TTLL5: variants seen among roughly 807,000 people sequenced by gnomAD.
TTLL5 encodes the protein tubulin tyrosine ligase like 5, also known as tubulin polyglutamylase TTLL5.
A neutral mutation model predicts 168.4 loss-of-function variants in TTLL5; 132 were observed. The ratio of observed to expected loss-of-function variants is 0.78; its 90% CI spans 0.68 to 0.91. TTLL5 has a LOEUF of 0.91. TTLL5 is among the 40% of genes least tolerant of loss of function. The pLI, the probability that TTLL5 is intolerant of heterozygous loss-of-function variation, is 0.00. For missense variants in TTLL5, 1,545 were observed against 1,581.5 expected (o/e 0.98, Z 0.39); for synonymous variants, 546 against 558.6 (o/e 0.98, Z 0.32).
At position 75,745,141 on chromosome 14, in the gene TTLL5, T is replaced by G; in HGVS notation, c.1328T>G (p.Val443Gly). The G allele has an allele frequency of 1.2e-6, 2 of 1,614,002 alleles. No individual in the cohort carries two copies. The highest frequency in any genetic ancestry group is 1.7e-6 in the Non-Finnish European group (2 of 1,179,898). ...AGTGATGCGGAAATGAAAAACCTCGTGGGCTCAGCCCGGGAGAAAGGGCCA... is the reference window on the plus strand; with the variant it reads ...AGTGATGCGGAAATGAAAAACCTCGGGGGCTCAGCCCGGGAGAAAGGGCCA... ...SASDAEMKNLVGSAREKGPGK... is the reference protein window; with the variant it reads ...SASDAEMKNLGGSAREKGPGK... Residue 443 changes from valine to glycine, a missense_variant, in exon 16 of 32, where the codon GTG (valine) becomes GGG (glycine). Coordinates refer to ENST00000298832, the MANE Select transcript of TTLL5 (RefSeq NM_015072.5).
intron 31 of TTLL5, chr14:75,904,157 T>C: frequency 7.9e-7 from 1 of 1,267,426 alleles, no homozygotes; most frequent in Non-Finnish European, 1.0e-6. Context: ...TTTTAGAACC[T>C]GAATTCAAGA....
intron 28 of TTLL5, among the ~76,000 whole-genome samples, chr14:75,845,419 C>T (rs1226534618): frequency 6.6e-6 from 1 of 152,128 alleles, no homozygotes; most frequent in Non-Finnish European, 1.5e-5. Context: ...TTAGTACTTA[C>T]ACATTTTGGT....
chr14:75,681,646 C>T lies in TTLL5; in HGVS notation c.264+19C>T. Reference sequence around the variant, plus strand: ...TCATGAAGTAAGTTTATTTTTAATACCTCACCTGATCTGCTCATAAGCTGA... The same window carrying T: ...TCATGAAGTAAGTTTATTTTTAATATCTCACCTGATCTGCTCATAAGCTGA... On this transcript the variant is annotated intron_variant, in intron 4 of 31. Coordinates refer to ENST00000298832, the MANE Select transcript of TTLL5 (RefSeq NM_015072.5). 1 of 1,603,462 alleles carries T rather than the reference C, an allele frequency of 6.2e-7. No homozygotes were observed. Among genetic ancestry groups the T allele is most frequent in the South Asian group, 1.1e-5 (1 of 90,912 alleles).
At chr14:75,802,158 GTTTTCTAATTCATTA>G (rs1473817861) in intron 27 of TTLL5, among the ~76,000 whole-genome samples, 2 of 151,512 alleles carry the variant, frequency 1.3e-5, no homozygotes, top group African/African-American at 4.9e-5. Flanking sequence ...TCATTCTATT[GTTTTCTAATTCATTA>G]TTTTCTTGCC....
At chr14:75,900,316 C>T (rs2032868517) in intron 30 of TTLL5, among the ~76,000 whole-genome samples, 1 of 152,160 alleles carries the variant, frequency 6.6e-6, no homozygotes, top group Non-Finnish European at 1.5e-5. Context: ...CCCCAAATTG[C>T]TTGCCAGAGG....
chr14:75,906,684 G>A, intron 31 of TTLL5: 1 of 985,850 alleles, frequency 1.0e-6, no homozygotes, highest in Non-Finnish European at 1.2e-6. Context: ...TAAGGTAACG[G>A]TAAGAATAAG....
In TTLL5 at chr14:75,766,356, A is replaced by G. The variant is rs1890968534; in HGVS notation, c.2003A>G (p.Asn668Ser). The change falls in exon 20 of 32, where the codon AAT becomes AGT. Residue 668 changes from asparagine (N) to serine (S), a missense_variant. Asn to Ser is a conservative substitution (Grantham distance 46, BLOSUM62 1). Transcript: ENST00000298832. ...AACCTGATGCAGATTCTTCAAGATA[A>G]TGGCAATCTTAGGTATGTATCTTTT... Reference protein sequence around the residue: ...KFNLMQILQDNGNLSKMQARI... With the variant: ...KFNLMQILQDSGNLSKMQARI... 1 of 1,610,244 alleles carries G rather than the reference A, an allele frequency of 6.2e-7. No homozygotes were observed. The highest frequency in any genetic ancestry group is 1.3e-5 in the African/African-American group (1 of 74,654).
At chr14:75,897,229 CAA>C (rs1284646342) in intron 30 of TTLL5, among the ~76,000 whole-genome samples, 2 of 152,078 alleles carry the variant, frequency 1.3e-5, no homozygotes, top group Non-Finnish European at 2.9e-5. Context: ...GCAAGTGAGT[CAA>C]ATTCAGGGTT....
chr14:75,783,012 A>G, intron 25 of TTLL5, 135 bp from the exon 26 acceptor site: 2 of 1,047,682 alleles, frequency 1.9e-6, no homozygotes. Context: ...AACACTCATT[A>G]AAGTCTGTAT....
At chr14:75,663,282 T>A (rs1890870728) in intron 2 of TTLL5, 59 bp downstream of exon 2, 11 of 1,436,550 alleles carry the variant, frequency 7.7e-6, no homozygotes, top group African/African-American at 1.4e-5. Context: ...TTATATACTC[T>A]TATATACTGT....
At chr14:75,663,034 A>T (rs1566805093) in intron 1 of TTLL5, 21 bp from the exon 2 acceptor site, 3 of 833,290 alleles carry the variant, frequency 3.6e-6, no homozygotes, top group East Asian at 2.6e-5. Context: ...CAATTGATCC[A>T]ATCAAGTTGA....
intron 3 of TTLL5, among the ~76,000 whole-genome samples, chr14:75,672,390 C>T (rs898414322): frequency 4.3e-4 from 66 of 152,172 alleles, no homozygotes; most frequent in African/African-American, 1.4e-3. Flanking sequence ...GGATTATAGG[C>T]GTCCACCACC....
At chr14:75,716,873 C>T (rs983273373) in intron 9 of TTLL5, among the ~76,000 whole-genome samples, 2 of 152,140 alleles carry the variant, frequency 1.3e-5, no homozygotes, top group African/African-American at 4.8e-5. Flanking sequence ...ACCCTGTTTT[C>T]AGTGGGCTCC....
intron 17 of TTLL5, 140 bp from the exon 18 acceptor site, chr14:75,752,753 G>T: frequency 1.8e-6 from 1 of 566,896 alleles, no homozygotes; most frequent in Non-Finnish European, 2.9e-6. Flanking sequence ...CTTTTCCTTT[G>T]CCACTTTAGA....
chr14:75,883,436 G>A (rs146315703), intron 30 of TTLL5, among the ~76,000 whole-genome samples: 1,963 of 152,336 alleles, frequency 0.013, 53 homozygotes, highest in African/African-American at 0.042. Context: ...TTGGTGAAGA[G>A]CGTTGGTTCT....
Position 75,720,702 on chromosome 14 carries a change from T to C in TTLL5, c.1041T>C (p.Phe347=). ...TTGTTCCTCATCGCAGCAGTTGTTT[T>C]GGTAAGGAGACTCAAGAAGCTTAAC... is the stretch of plus-strand genomic sequence containing the variant. The part of the protein sequence containing the change: ...KTFVPHRSSC[F]ELYGFDVLID... The change falls in exon 12 of 32, where the codon TTT becomes TTC. Residue 347 remains phenylalanine (F), a splice_region_variant and synonymous_variant. Transcript: ENST00000298832. The C allele has an allele frequency of 1.9e-6, 3 of 1,612,180 alleles. No individual in the cohort carries two copies. The highest frequency in any genetic ancestry group is 2.5e-6 in the Non-Finnish European group (3 of 1,178,340).
intron 1 of TTLL5, among the ~76,000 whole-genome samples, chr14:75,662,673 T>C (rs1890822694): frequency 6.6e-6 from 1 of 152,168 alleles, no homozygotes; most frequent in Non-Finnish European, 1.5e-5. Context: ...TTTATTTATT[T>C]ATTTTTAACC....
intron 11 of TTLL5, 143 bp downstream of exon 11, chr14:75,719,969 G>C (rs1315842242): frequency 1.4e-5 from 12 of 851,930 alleles, no homozygotes; most frequent in Non-Finnish European, 2.1e-5. Context: ...TCCTGCAGTT[G>C]ACAAGCTGGG....
intron 30 of TTLL5, among the ~76,000 whole-genome samples, chr14:75,894,318 A>C (rs1392659294): frequency 6.6e-6 from 1 of 152,180 alleles, no homozygotes. Flanking sequence ...TTGGGAGGCC[A>C]AGACAGGTGG....
Sources: gnomAD v4.1 joint callset for allele counts (sites outside exome capture counted in the v4.1 genomes callset) on GRCh38, gnomAD v4.1.1 for gene constraint, MANE v1.5 for transcripts, NCBI Gene and HGNC (gene_info 2026-07-23, HGNC 2026-07-21) for gene names.